SUMF1: variants seen among roughly 807,000 people sequenced by gnomAD.
SUMF1 encodes sulfatase modifying factor 1, also known as formylglycine-generating enzyme.
In SUMF1, 48 loss-of-function variants were observed where a neutral mutation model predicts 47.6. That is an observed-to-expected ratio of 1.01 (90% CI 0.80 to 1.28). The LOEUF (loss-of-function observed/expected upper bound fraction) is 1.28. Among genes scored for constraint, SUMF1 ranks in the 50% most tolerant of loss-of-function variants. The pLI, the probability that SUMF1 is intolerant of heterozygous loss-of-function variation, is 0.00. For missense variants in SUMF1, 571 were observed against 485.4 expected (o/e 1.18, Z -1.66); for synonymous variants, 230 against 192.1 (o/e 1.20, Z -1.63).
intron 8 of SUMF1, among the ~76,000 whole-genome samples, chr3:4,144,053 C>G (rs1390272181): frequency 6.7e-6 from 1 of 149,668 alleles, no homozygotes; most frequent in Non-Finnish European, 1.5e-5. Context: ...TGTAGTGGCC[C>G]GATCTCGGCT....
At chr3:4,137,510 A>T (rs902737013) in intron 8 of SUMF1, among the ~76,000 whole-genome samples, 1 of 152,146 alleles carries the variant, frequency 6.6e-6, no homozygotes. Context: ...ATTAGGAGAT[A>T]TACCCAATGT....
At chr3:4,313,219 C>A (rs1422886119) in intron 8 of SUMF1, 1 of 1,613,858 alleles carries the variant, frequency 6.2e-7, no homozygotes, top group Non-Finnish European at 8.5e-7. Context: ...GGAATTTATA[C>A]CGAAAGGAAG....
chr3:4,210,109 G>A (rs569979761), intron 8 of SUMF1, among the ~76,000 whole-genome samples: 45 of 152,126 alleles, frequency 3.0e-4, no homozygotes, highest in African/African-American at 1.0e-3. Flanking sequence ...TAGCCAGGCT[G>A]GTCTTGAACT....
chr3:4,163,646 T>C (rs1430189271), intron 8 of SUMF1, among the ~76,000 whole-genome samples: 1 of 151,372 alleles, frequency 6.6e-6, no homozygotes, highest in East Asian at 2.0e-4. Context: ...AATTGAAGCC[T>C]ATGAAAGGTA....
intron 3 of SUMF1, among the ~76,000 whole-genome samples, chr3:4,436,245 G>A (rs1420773447): frequency 6.6e-6 from 1 of 152,174 alleles, no homozygotes; most frequent in Non-Finnish European, 1.5e-5. Flanking sequence ...CACAGGGGAT[G>A]GGGTAGTAGA....
chr3:4,386,441 C>T (rs75298908), intron 7 of SUMF1, among the ~76,000 whole-genome samples: 4,284 of 152,100 alleles, frequency 0.028, 204 homozygotes, highest in African/African-American at 0.098. Context: ...TAAACATGTT[C>T]ATCTTGTGTC....
chr3:4,339,326 G>A (rs1699220771), intron 8 of SUMF1, among the ~76,000 whole-genome samples: 2 of 152,138 alleles, frequency 1.3e-5, no homozygotes, highest in African/African-American at 4.8e-5. Context: ...ACCCAAGGAA[G>A]CAGTCTCTGG....
intron 8 of SUMF1, among the ~76,000 whole-genome samples, chr3:4,248,725 T>G (rs968814686): frequency 6.6e-6 from 1 of 152,076 alleles, no homozygotes; most frequent in Non-Finnish European, 1.5e-5. Context: ...AATCATTCAG[T>G]GTATAATCTA....
chr3:4,367,238 G>A (rs1700004518), intron 8 of SUMF1, among the ~76,000 whole-genome samples: 1 of 152,132 alleles, frequency 6.6e-6, no homozygotes, highest in Non-Finnish European at 1.5e-5. Flanking sequence ...GAGAACCACT[G>A]CTCTCTTCAA....
At chr3:4,204,694 C>G (rs1695614795) in intron 8 of SUMF1, among the ~76,000 whole-genome samples, 2 of 151,948 alleles carry the variant, frequency 1.3e-5, no homozygotes, top group Admixed American at 6.6e-5. Context: ...GTTTCCTCTG[C>G]TTGTGTATTT....
intron 8 of SUMF1, among the ~76,000 whole-genome samples, chr3:4,127,154 C>A (rs564121262): frequency 2.0e-5 from 3 of 152,208 alleles, no homozygotes; most frequent in Admixed American, 6.5e-5. Flanking sequence ...GATGTTCAAA[C>A]AATAAAATTA....
chr3:4,202,206 ATT>A (rs1423407349), intron 8 of SUMF1, among the ~76,000 whole-genome samples: 2 of 151,674 alleles, frequency 1.3e-5, no homozygotes, highest in Admixed American at 6.6e-5. Context: ...AGTTTCTCCA[ATT>A]TTTTCTTTTC....
intron 8 of SUMF1, among the ~76,000 whole-genome samples, chr3:4,335,639 A>T (rs1239755193): frequency 6.6e-6 from 1 of 152,074 alleles, no homozygotes; most frequent in East Asian, 1.9e-4. Context: ...CCCAATAGTC[A>T]TAGAAATAAA....
chr3:4,221,427 G>C (rs1375818596), intron 8 of SUMF1, among the ~76,000 whole-genome samples: 1 of 151,158 alleles, frequency 6.6e-6, no homozygotes, highest in East Asian at 1.9e-4. Context: ...GTGTGTGTGT[G>C]TGTGTGTGTG....
intron 8 of SUMF1, among the ~76,000 whole-genome samples, chr3:4,320,449 A>G (rs1015590360): frequency 3.9e-5 from 6 of 152,184 alleles, no homozygotes; most frequent in African/African-American, 1.4e-4. Context: ...GAAGAGAAAG[A>G]CCATTTTAAT....
At chr3:4,072,236 G>A (rs1695544765) in intron 8 of SUMF1, among the ~76,000 whole-genome samples, 1 of 152,080 alleles carries the variant, frequency 6.6e-6, no homozygotes, top group South Asian at 2.1e-4. Flanking sequence ...CGAATACAAG[G>A]GGCCTGACTG....
Position 4,351,405 on chromosome 3 carries a change from T to C in SUMF1, c.1014+24925A>G, listed in dbSNP as rs932710744. On this transcript the variant is annotated intron_variant and NMD_transcript_variant, in intron 8 of 12. Coordinates refer to the SUMF1 transcript ENST00000448413. ...GTTTTACAAAGAGCAGGGGATTTAA[T>C]CTTATCAAGGAAGTCCTCTCATATA... is the stretch of plus-strand genomic sequence containing the variant. Among the ~76,000 whole-genome samples the C allele has an allele frequency of 4.6e-5, 7 of 152,180 alleles. No individual in the cohort carries two copies. In the East Asian group the frequency reaches 1.3e-3, roughly 29 times the overall value.
chr3:4,247,488 G>C (rs1004893592), intron 8 of SUMF1, among the ~76,000 whole-genome samples: 2 of 152,142 alleles, frequency 1.3e-5, no homozygotes, highest in Non-Finnish European at 2.9e-5. Flanking sequence ...TTCTCTGCAT[G>C]AATCATTCAG....
intron 8 of SUMF1, chr3:4,316,737 G>A (rs1698672293): frequency 2.6e-6 from 4 of 1,550,686 alleles, no homozygotes; most frequent in Non-Finnish European, 3.5e-6. Context: ...GGATCAAGAA[G>A]AAGCTCCAAA....
Sources: gnomAD v4.1 joint callset for allele counts (sites outside exome capture counted in the v4.1 genomes callset) on GRCh38, gnomAD v4.1.1 for gene constraint, MANE v1.5 for transcripts, NCBI Gene and HGNC (gene_info 2026-07-23, HGNC 2026-07-21) for gene names.